The following RCOR3 variants were observed in gnomAD, a reference collection of about 807,000 sequenced individuals.
RCOR3 encodes the protein REST corepressor 3.
A neutral mutation model predicts 64.1 loss-of-function variants in RCOR3; 13 were observed. The ratio of observed to expected loss-of-function variants is 0.20; its 90% CI spans 0.13 to 0.32. RCOR3 has a LOEUF of 0.32. Among genes scored for constraint, RCOR3 ranks in the 10% least tolerant of loss-of-function variants. The pLI is 1.00. For missense variants in RCOR3, 489 were observed against 701.2 expected (o/e 0.70, Z 3.42); for synonymous variants, 215 against 239.0 (o/e 0.90, Z 0.93).
chr1:211,268,692 A>AAT (rs1447240446), intron 2 of RCOR3, among the ~76,000 whole-genome samples: 1 of 152,054 alleles, frequency 6.6e-6, no homozygotes, highest in African/African-American at 2.4e-5. Context: ...ATTTTCATTG[A>AAT]ATATAAATTT....
chr1:211,307,666 A>C (rs1034327245), intron 10 of RCOR3, among the ~76,000 whole-genome samples: 2 of 152,006 alleles, frequency 1.3e-5, no homozygotes, highest in African/African-American at 4.8e-5. Context: ...GAAGCATGGT[A>C]TACAGTATTT....
chr1:211,283,110 C>G (rs1698051753), intron 7 of RCOR3, among the ~76,000 whole-genome samples: 1 of 152,218 alleles, frequency 6.6e-6, no homozygotes, highest in South Asian at 2.1e-4. Context: ...ATTACGGACA[C>G]TGCTGATATG....
chr1:211,312,113 C>A lies in RCOR3; in HGVS notation c.1076-607C>A. 4.8e-6 allele frequency: 1 copy of A among 206,222 alleles called. No homozygotes were observed. The highest frequency in any genetic ancestry group is 1.0e-5 in the Non-Finnish European group (1 of 96,026). 12.8% of individuals were successfully genotyped at this position (206,222 alleles called of 1,614,324 possible). A position where few individuals can be genotyped will look rare whatever the true frequency, so the allele number is the denominator to read the frequency against. On this transcript the variant is annotated intron_variant, in intron 10 of 11. Transcript: ENST00000419091. The surrounding 1 kb of genome is among the most constrained non-coding windows in gnomAD (Gnocchi z 5.0). ...TCTGAAAAAAAATCTTCTCTTTTTT[C>A]AAAATCCACCAACTTGTGATGATTC... is the stretch of plus-strand genomic sequence containing the variant.
In RCOR3 at chr1:211,278,199, G is replaced by A. The variant is rs1056283018; in HGVS notation, c.599G>A (p.Arg200His). The change falls in exon 6 of 12, where the codon CGC (arginine) becomes CAC (histidine). Residue 200 changes from arginine (R) to histidine (H), a missense_variant. This residue lies in a region of RCOR3 where 402 missense variants were observed against 617.0 expected (regional missense o/e 0.65). Transcript: ENST00000419091. ...CGCTCTAGGACAAGTTTGATGGATC[G>A]CCAGGCTCGTAAACTAGCTAATAGA... The part of the protein sequence containing the change: ...KTRSRTSLMD[R>H]QARKLANRHN... 8.1e-6 allele frequency: 13 copies of A among 1,612,734 alleles called. No homozygotes were observed. Among genetic ancestry groups the A allele is most frequent in the African/African-American group, 1.3e-5 (1 of 74,800 alleles).
At chr1:211,279,843 C>T (rs957649378) in intron 7 of RCOR3, among the ~76,000 whole-genome samples, 2 of 152,170 alleles carry the variant, frequency 1.3e-5, no homozygotes, top group Non-Finnish European at 2.9e-5. Context: ...CCCCACTTCC[C>T]TTATCCTTCT....
chr1:211,313,306 G>T lies in RCOR3; in HGVS notation c.1318-118G>T, dbSNP rs1227867392. 6.9e-7 allele frequency: 1 copy of T among 1,453,370 alleles called. No homozygotes were observed. The highest frequency in any genetic ancestry group is 2.8e-5 in the Admixed American group (1 of 35,462). The allele number at this position is 1,453,370 out of a possible 1,614,324, so 90.0% of individuals were successfully genotyped here. On this transcript the variant is annotated intron_variant, in intron 11 of 11. Coordinates refer to ENST00000419091, the MANE Select transcript of RCOR3 (RefSeq NM_001136223.3). The surrounding 1 kb of genome is among the most constrained non-coding windows in gnomAD (Gnocchi z 4.7). The stretch of plus-strand genomic sequence containing the variant: ...GCTTGTGCTTCCAATAAACACTGGT[G>T]TTATGTTTTTGTTTTGTTTTGATTT...
At chr1:211,261,813 C>T (rs946526294) in intron 2 of RCOR3, among the ~76,000 whole-genome samples, 3 of 144,774 alleles carry the variant, frequency 2.1e-5, no homozygotes, top group South Asian at 4.6e-4. Context: ...CCCAGCTACT[C>T]GGGAGGCTGA....
rs182313501 is a variant in RCOR3 at position 211,307,789 on chromosome 1, T to C, written c.1075+3649T>C. 3.6e-3 allele frequency among the ~76,000 whole-genome samples: 546 copies of C among 151,866 alleles called. 1 individual carries two copies. The highest frequency in any genetic ancestry group is 6.2e-3 in the Non-Finnish European group (420 of 67,908). On this transcript the variant is annotated intron_variant, in intron 10 of 11. Transcript: ENST00000419091. ...CTACTTTAGGATAAACAAAATTTTT[T>C]CCGATTGTATAAAGATGTCAACTTT...
Position 211,279,295 on chromosome 1 carries a change from C to A in RCOR3, c.699C>A (p.Pro233=). 2 of 1,609,364 alleles carry A rather than the reference C, an allele frequency of 1.2e-6. No individual in the cohort carries two copies. The highest frequency in any genetic ancestry group is 1.7e-6 in the Non-Finnish European group (2 of 1,177,468). ...ATGGGAATGATAGTGATTATGATCCCAAAAAAGAAGCCAAAAAAGAGGTAA... is the reference window on the plus strand; with the variant it reads ...ATGGGAATGATAGTGATTATGATCCAAAAAAAGAAGCCAAAAAAGAGGTAA... ...PMDGNDSDYD[P]KKEAKKEGNT... is the part of the protein sequence containing the mutation. The change falls in exon 7 of 12, where the codon CCC becomes CCA. Residue 233 remains proline (P), a synonymous_variant. Transcript: ENST00000419091.
At chr1:211,267,188 T>C (rs1269496073) in intron 2 of RCOR3, among the ~76,000 whole-genome samples, 1 of 152,222 alleles carries the variant, frequency 6.6e-6, no homozygotes, top group Non-Finnish European at 1.5e-5. Flanking sequence ...TCATCATCCA[T>C]ATTTTTAGAG....
At chr1:211,262,605 A>G (rs1346650005) in intron 2 of RCOR3, among the ~76,000 whole-genome samples, 5 of 152,186 alleles carry the variant, frequency 3.3e-5, no homozygotes, top group Non-Finnish European at 5.9e-5. Context: ...TTTATTTCAT[A>G]GACAACTATA....
intron 2 of RCOR3, among the ~76,000 whole-genome samples, chr1:211,263,884 G>A (rs960381284): frequency 4.0e-5 from 6 of 151,768 alleles, no homozygotes; most frequent in South Asian, 2.1e-4. Flanking sequence ...GCAGTGGTGC[G>A]ATCTTGGCTC....
intron 5 of RCOR3, among the ~76,000 whole-genome samples, chr1:211,277,826 A>G (rs1227531046): frequency 6.6e-6 from 1 of 152,216 alleles, no homozygotes; most frequent in Non-Finnish European, 1.5e-5. Context: ...TGTGAATTAC[A>G]TATATTGAAT....
At chr1:211,275,685 G>C (rs1175328696) in intron 4 of RCOR3, among the ~76,000 whole-genome samples, 1 of 152,144 alleles carries the variant, frequency 6.6e-6, no homozygotes, top group Non-Finnish European at 1.5e-5. Flanking sequence ...TTATTTATAT[G>C]CCTCCTAATA....
chr1:211,303,300 G>A (rs572898603), intron 9 of RCOR3: 1 of 152,124 alleles, frequency 6.6e-6, no homozygotes, highest in African/African-American at 2.4e-5. Context: ...GTGTTACCTA[G>A]AACCTCTGTG....
At chr1:211,292,224 A>G (rs765841038) in intron 8 of RCOR3, among the ~76,000 whole-genome samples, 17 of 152,198 alleles carry the variant, frequency 1.1e-4, no homozygotes, top group Non-Finnish European at 2.1e-4. Flanking sequence ...TCTCTGGAGT[A>G]TGTGTGTTTA....
intron 7 of RCOR3, among the ~76,000 whole-genome samples, chr1:211,288,102 C>G (rs1698772655): frequency 6.6e-6 from 1 of 151,624 alleles, no homozygotes; most frequent in African/African-American, 2.4e-5. Context: ...CCTGGCTACT[C>G]AGGAGGCTGA....
chr1:211,299,490 A>G (rs1416367114), intron 9 of RCOR3, among the ~76,000 whole-genome samples: 3 of 152,208 alleles, frequency 2.0e-5, no homozygotes, highest in Non-Finnish European at 4.4e-5. Flanking sequence ...CTGCAAAGGT[A>G]GACGACATCC....
intron 3 of RCOR3, among the ~76,000 whole-genome samples, chr1:211,273,341 G>A (rs978141538): frequency 8.5e-5 from 13 of 152,082 alleles, no homozygotes; most frequent in Non-Finnish European, 2.9e-5. Flanking sequence ...AAAGTTACTT[G>A]GCCAAAGTCA....
Sources: gnomAD v4.1 joint callset for allele counts (sites outside exome capture counted in the v4.1 genomes callset) on GRCh38, gnomAD v4.1.1 for gene constraint, gnomAD v4.1.1 regional missense constraint, Gnocchi (gnomAD v3.1) non-coding constraint, MANE v1.5 for transcripts, NCBI Gene and HGNC (gene_info 2026-07-23, HGNC 2026-07-21) for gene names.